The following DYDC2 variants were observed in gnomAD, a reference collection of about 807,000 sequenced individuals.
The protein encoded by DYDC2 is DPY30 domain-containing protein 2.
DYDC2 carries 19 observed loss-of-function variants against 18.7 expected under a neutral mutation model. That is an observed-to-expected ratio of 1.02 (90% CI 0.71 to 1.49). The LOEUF (loss-of-function observed/expected upper bound fraction) is 1.49. DYDC2 is among the 40% of genes most tolerant of loss of function. The pLI is 0.00. For missense variants in DYDC2, 179 were observed against 205.1 expected, an observed-to-expected ratio of 0.87 and a Z score of 0.78; for synonymous variants, 63 against 67.6, an observed-to-expected ratio of 0.93 and a Z score of 0.34.
chr10:80,363,112 C>G, intron 4 of DYDC2, 39 bp downstream of exon 4: 1 of 1,586,718 alleles, frequency 6.3e-7, no homozygotes, highest in Non-Finnish European at 8.6e-7. Flanking sequence ...CCACACACAT[C>G]CCAGTGATGG....
intron 2 of DYDC2, 123 bp downstream of exon 2, chr10:80,358,168 A>C: frequency 1.2e-5 from 8 of 661,290 alleles, no homozygotes; most frequent in Non-Finnish European, 1.5e-5. Flanking sequence ...ACCTGAGGTG[A>C]GGAATTCAAA....
intron 1 of DYDC2, among the ~76,000 whole-genome samples, chr10:80,347,598 G>A (rs1262805461): frequency 6.6e-6 from 1 of 151,988 alleles, no homozygotes; most frequent in Non-Finnish European, 1.5e-5. Flanking sequence ...CTTCCATTTA[G>A]GTCTTTAATC....
intron 2 of DYDC2, among the ~76,000 whole-genome samples, chr10:80,358,298 A>T (rs1015807148): frequency 6.6e-6 from 1 of 152,148 alleles, no homozygotes; most frequent in Non-Finnish European, 1.5e-5. Context: ...GAATTGCTTG[A>T]ACCAAGGAGG....
At chr10:80,348,931 G>C (rs866824928) in intron 1 of DYDC2, among the ~76,000 whole-genome samples, 9 of 151,906 alleles carry the variant, frequency 5.9e-5, no homozygotes, top group Admixed American at 2.0e-4. Flanking sequence ...TCGCTCTGTC[G>C]CCCAGGCTGG....
upstream of DYDC2, chr10:80,352,137 A>G (rs78566966): frequency 5.3e-4 from 433 of 817,600 alleles, no homozygotes; most frequent in African/African-American, 6.8e-3. Context: ...TGGAAATGAT[A>G]TAATAATTTG....
intron 4 of DYDC2, 142 bp from the exon 5 acceptor site, chr10:80,366,546 G>T: frequency 1.0e-6 from 1 of 996,540 alleles, no homozygotes. Context: ...TATAGGTTTG[G>T]TTTTATGCTT....
upstream of DYDC2, chr10:80,352,318 T>G (rs1266889478): frequency 1.6e-6 from 2 of 1,259,496 alleles, no homozygotes; most frequent in African/African-American, 1.5e-5. Context: ...TCCTTCCTGC[T>G]TTTCATGTTG....
chr10:80,352,073 G>T, upstream of DYDC2: 1 of 1,385,538 alleles, frequency 7.2e-7, no homozygotes, highest in Non-Finnish European at 1.0e-6. Context: ...AATCTTGAAA[G>T]CACTTAATAG....
At chr10:80,356,151 G>A (rs562442210), upstream of DYDC2, 58 of 753,138 alleles carry the variant, frequency 7.7e-5, no homozygotes, top group African/African-American at 1.0e-3. Flanking sequence ...CATATCAGTG[G>A]GACCCAGGCA....
chr10:80,356,165 C>A, upstream of DYDC2: 2 of 867,092 alleles, frequency 2.3e-6, no homozygotes, highest in Non-Finnish European at 2.8e-6. Context: ...CCAGGCAAGG[C>A]CTGCCAACTC....
upstream of DYDC2, chr10:80,351,857 C>A: frequency 6.4e-7 from 1 of 1,570,836 alleles, no homozygotes; most frequent in Non-Finnish European, 8.7e-7. Context: ...CTGAGGTTGG[C>A]ATCGTTAATT....
chr10:80,346,173 C>G (rs1315184051), intron 1 of DYDC2, among the ~76,000 whole-genome samples: 1 of 151,918 alleles, frequency 6.6e-6, no homozygotes, highest in Non-Finnish European at 1.5e-5. Context: ...CAGTCATCCA[C>G]TGACAGACAT....
chr10:80,345,073 GC>G (rs1431456440), intron 1 of DYDC2, among the ~76,000 whole-genome samples: 1 of 151,966 alleles, frequency 6.6e-6, no homozygotes, highest in Non-Finnish European at 1.5e-5. Flanking sequence ...AGTGTTTAAA[GC>G]CGGGAAGTGT....
In DYDC2 at chr10:80,367,072, C is replaced by G; in HGVS notation, c.*121C>G. ...AAGTTCAGGGACTCTCCAGCCTACT[C>G]CTTTTCTGAAAAACCCTTAATCATG... On this transcript the variant is annotated 3_prime_UTR_variant, in exon 5 of 5. Coordinates refer to ENST00000256039, the MANE Select transcript of DYDC2 (RefSeq NM_032372.6). 1 of 1,221,046 alleles carries G rather than the reference C, an allele frequency of 8.2e-7. No individual in the cohort carries two copies. Among genetic ancestry groups the G allele is most frequent in the Admixed American group, 2.4e-5 (1 of 41,834 alleles). 75.6% of individuals were successfully genotyped at this position (1,221,046 alleles called of 1,614,324 possible).
upstream of DYDC2, among the ~76,000 whole-genome samples, chr10:80,355,296 C>A (rs1421496372): frequency 6.6e-6 from 1 of 151,582 alleles, no homozygotes; most frequent in Non-Finnish European, 1.5e-5. Flanking sequence ...TCCATAACCC[C>A]CAATTTTTAT....
chr10:80,364,000 C>A (rs936150438), intron 4 of DYDC2, among the ~76,000 whole-genome samples: 1 of 152,158 alleles, frequency 6.6e-6, no homozygotes, highest in African/African-American at 2.4e-5. Context: ...TCTATGCTTT[C>A]TACAAAGTGG....
intron 1 of DYDC2, among the ~76,000 whole-genome samples, chr10:80,349,694 G>A (rs1842876118): frequency 6.6e-6 from 1 of 152,170 alleles, no homozygotes; most frequent in Admixed American, 6.5e-5. Context: ...ATAATGCAAA[G>A]TGTATTTGTT....
intron 1 of DYDC2, among the ~76,000 whole-genome samples, chr10:80,348,863 TA>T (rs1358277792): frequency 1.3e-5 from 2 of 152,180 alleles, no homozygotes; most frequent in Non-Finnish European, 2.9e-5. Context: ...ATGAAATGCA[TA>T]AAACCTCATT....
intron 2 of DYDC2, among the ~76,000 whole-genome samples, chr10:80,358,698 T>G (rs1843551559): frequency 6.6e-6 from 1 of 152,176 alleles, no homozygotes; most frequent in African/African-American, 2.4e-5. Context: ...TTTATTAACA[T>G]GCAGGTTCTG....
Sources: allele counts gnomAD v4.1 joint callset (sites outside exome capture counted in the v4.1 genomes callset), GRCh38; gene constraint gnomAD v4.1.1; transcripts MANE v1.5; gene names NCBI Gene and HGNC (gene_info 2026-07-23, HGNC 2026-07-21).